TUBGCP3: variants seen among roughly 807,000 people sequenced by gnomAD.
TUBGCP3 encodes gamma-tubulin complex component 3.
TUBGCP3 carries 50 observed loss-of-function variants against 123.1 expected under a neutral mutation model. The ratio of observed to expected loss-of-function variants is 0.41; its 90% CI spans 0.32 to 0.51. The LOEUF is 0.51. TUBGCP3 is among the 20% of genes least tolerant of loss of function. The pLI is 0.36. For missense variants in TUBGCP3, 882 were observed against 1,127.0 expected (o/e 0.78, Z 3.11); for synonymous variants, 405 against 413.9 (o/e 0.98, Z 0.26).
In TUBGCP3 at chr13:112,524,029, A is replaced by AAGCAGCAGCGTC. The variant is rs1876840584; in HGVS notation, c.1556-1532_1556-1521dup. On this transcript the variant is annotated intron_variant, in intron 13 of 21. Transcript: ENST00000261965. This position sits in a 1 kb window ranked among gnomAD's most constrained non-coding sequence, Gnocchi z 4.4. ...GGGGACCACAGGAGTCGTCACAGAG[A>AAGCAGCAGCGTC]AGCAGCAGCGTCAGCAGCAGCAGCG... 6.6e-6 allele frequency among the ~76,000 whole-genome samples: 1 copy of AAGCAGCAGCGTC among 152,112 alleles called. No individual in the cohort carries two copies. The highest frequency in any genetic ancestry group is 1.5e-5 in the Non-Finnish European group (1 of 68,026).
chr13:112,516,443 G>C lies in TUBGCP3; in HGVS notation c.2083C>G (p.Pro695Ala). 1.9e-6 allele frequency: 3 copies of C among 1,601,892 alleles called. No individual in the cohort carries two copies. Among genetic ancestry groups the C allele is most frequent in the Non-Finnish European group, 2.6e-6 (3 of 1,173,382 alleles). Residue 695 changes from proline (P) to alanine (A), a missense_variant, in exon 17 of 22, where the codon CCA (proline) becomes GCA (alanine). Pro to Ala is a conservative substitution (Grantham distance 27). This residue lies in a region of TUBGCP3 where 713 missense variants were observed against 874.0 expected (regional missense o/e 0.82). Coordinates refer to ENST00000261965, the MANE Select transcript of TUBGCP3 (RefSeq NM_006322.6). ...CGTGACCGTGCTGGGGGCTCACCTG[G>C]CATGTTTCTCAGGAGCTTTGCATTG... ...MCNAKLLRNM[P>A]EFSGVLHQCH...
intron 16 of TUBGCP3, among the ~76,000 whole-genome samples, chr13:112,516,825 T>G (rs949245319): frequency 6.6e-6 from 1 of 152,030 alleles, no homozygotes; most frequent in Non-Finnish European, 1.5e-5. Flanking sequence ...CTAAACCTAG[T>G]CTAAAATGTG....
chr13:112,599,642 G>A, the TUBGCP3 span, among the ~76,000 whole-genome samples: 1 of 152,030 alleles, frequency 6.6e-6, no homozygotes, highest in African/African-American at 2.4e-5. Flanking sequence ...GAGTACCTGG[G>A]ACTACAGGCG....
At chr13:112,523,772 G>A (rs1335207020) in intron 13 of TUBGCP3, among the ~76,000 whole-genome samples, 4 of 152,190 alleles carry the variant, frequency 2.6e-5, no homozygotes, top group African/African-American at 4.8e-5. Context: ...CTTCAGGGTT[G>A]AGGCATCTCT....
rs1876641285 is a variant in TUBGCP3, at chr13:112,521,719, G to A, written c.1745+601C>T. 8.1e-6 allele frequency: 8 copies of A among 985,410 alleles called. No homozygotes were observed. The South Asian group carries it at 3.8e-4, about 46-fold the overall frequency. 61.0% of individuals were successfully genotyped at this position (985,410 alleles called of 1,614,324 possible). On this transcript the variant is annotated intron_variant, in intron 14 of 21. Transcript: ENST00000261965. ...AAGTTTCATTCTTCTAAACACTTGGGTGAAAATCTCCAGGCCCAGGCTGTG... is the reference window on the plus strand; with the variant it reads ...AAGTTTCATTCTTCTAAACACTTGGATGAAAATCTCCAGGCCCAGGCTGTG...
rs377692215 is a variant in TUBGCP3, at chr13:112,545,836, C to T, written c.1198G>A (p.Val400Ile). ...GRKGGELASA[V>I]HAYTKTGDPY... Reference sequence around the variant, plus strand: ...TCTCCTGTTTTTGTGTAGGCGTGGACAGCTGAGGCCAGCTCACCTCCTTTC... The same window carrying T: ...TCTCCTGTTTTTGTGTAGGCGTGGATAGCTGAGGCCAGCTCACCTCCTTTC... Residue 400 changes from valine (V) to isoleucine (I), a missense_variant, in exon 11 of 22, where the codon GTC becomes ATC. Physicochemically the swap from Val to Ile is conservative, Grantham distance 29. Transcript: ENST00000261965. The surrounding 1 kb of genome is among the most constrained non-coding windows in gnomAD (Gnocchi z 4.1). The T allele has an allele frequency of 1.2e-6, 2 of 1,613,222 alleles. No homozygotes were observed. Among genetic ancestry groups the T allele is most frequent in the Non-Finnish European group, 1.7e-6 (2 of 1,179,248 alleles).
chr13:112,557,031 G>C (rs1235988166), intron 5 of TUBGCP3, among the ~76,000 whole-genome samples: 1 of 152,148 alleles, frequency 6.6e-6, no homozygotes, highest in Non-Finnish European at 1.5e-5. Context: ...CGTGAAGTAA[G>C]GAGAACAGGA....
intron 11 of TUBGCP3, among the ~76,000 whole-genome samples, chr13:112,543,448 A>T (rs959889724): frequency 6.6e-6 from 1 of 152,248 alleles, no homozygotes; most frequent in Non-Finnish European, 1.5e-5. Flanking sequence ...AAAAATTTTT[A>T]AAAGAACTTT....
Position 112,547,577 on chromosome 13 carries a change from T to TGCGTGGGAAAGA in TUBGCP3, c.1168+42_1168+43insTCTTTCCCACGC, listed in dbSNP as rs1879149619. 4 of 1,006,976 alleles carry TGCGTGGGAAAGA rather than the reference T, an allele frequency of 4.0e-6. No individual in the cohort carries two copies. In the African/African-American group the frequency reaches 1.6e-4, roughly 40 times the overall value. The allele number at this position is 1,006,976 out of a possible 1,614,324, so 62.4% of individuals were successfully genotyped here. A position where few individuals can be genotyped will look rare whatever the true frequency, so the allele number is the denominator to read the frequency against. On this transcript the variant is annotated intron_variant, in intron 10 of 21. Coordinates refer to ENST00000261965, the MANE Select transcript of TUBGCP3 (RefSeq NM_006322.6). The stretch of plus-strand genomic sequence containing the variant: ...CGTGGGAAAGTCGCGCGTGGGAAAG[T>TGCGTGGGAAAGA]CGCGCGTGGGAAAGACGTGCGTGGG...
intron 1 of TUBGCP3, among the ~76,000 whole-genome samples, chr13:112,573,929 G>A (rs1361021665): frequency 6.6e-6 from 1 of 152,254 alleles, no homozygotes; most frequent in Non-Finnish European, 1.5e-5. Flanking sequence ...GAAGGAAGTG[G>A]AACTATGAGT....
At chr13:112,590,417 A>G (rs1332462327), upstream of TUBGCP3, among the ~76,000 whole-genome samples, 1 of 152,116 alleles carries the variant, frequency 6.6e-6, no homozygotes, top group Non-Finnish European at 1.5e-5. Flanking sequence ...TCTTCCCAGA[A>G]TATAATGCAA....
At position 112,505,773 on chromosome 13, in the gene TUBGCP3, G is replaced by T. The variant is rs111901289; in HGVS notation, c.2087-1059C>A. On this transcript the variant is annotated intron_variant, in intron 17 of 21. Coordinates refer to ENST00000261965, the MANE Select transcript of TUBGCP3 (RefSeq NM_006322.6). ...CAAGCATGAAATACATATGTGAATT[G>T]TATGAACGCTGTCTGAAGGCACAGA... Among the ~76,000 whole-genome samples, 929 of 152,282 alleles carry T rather than the reference G, an allele frequency of 6.1e-3. 4 individuals are homozygous for T. Among genetic ancestry groups the T allele is most frequent in the African/African-American group, 0.021 (888 of 41,560 alleles).
intron 11 of TUBGCP3, among the ~76,000 whole-genome samples, chr13:112,535,560 T>C (rs763813680): frequency 9.2e-5 from 14 of 152,238 alleles, no homozygotes; most frequent in Non-Finnish European, 1.5e-4. Context: ...TCTTTTCCTG[T>C]GCTTATTGTC....
chr13:112,571,442 T>C (rs1594218271), intron 1 of TUBGCP3, among the ~76,000 whole-genome samples: 1 of 152,238 alleles, frequency 6.6e-6, no homozygotes, highest in Admixed American at 6.5e-5. Context: ...TAAACCATGC[T>C]ATAAAAAGAT....
the TUBGCP3 span, among the ~76,000 whole-genome samples, chr13:112,597,523 AAG>A: frequency 6.6e-6 from 1 of 152,208 alleles, no homozygotes; most frequent in East Asian, 1.9e-4. Context: ...GAAAACTAGA[AAG>A]AGATTTACAG....
chr13:112,567,228 C>G (rs1881018495), intron 2 of TUBGCP3, among the ~76,000 whole-genome samples: 2 of 152,238 alleles, frequency 1.3e-5, no homozygotes, highest in South Asian at 4.1e-4. Context: ...GAAACACAAA[C>G]TCTACATTGC....
intron 6 of TUBGCP3, among the ~76,000 whole-genome samples, chr13:112,555,359 G>A (rs1336184899): frequency 6.6e-6 from 1 of 152,164 alleles, no homozygotes; most frequent in East Asian, 1.9e-4. Context: ...GCTCTCAGAT[G>A]CTCCTCACCT....
intron 18 of TUBGCP3, 141 bp downstream of exon 18, chr13:112,504,485 C>CAA (rs34264269): frequency 6.4e-4 from 228 of 359,018 alleles, no homozygotes; most frequent in Middle Eastern, 4.7e-3. Flanking sequence ...GACTCCATCT[C>CAA]AAAAAAAAAA....
At chr13:112,514,436 G>C (rs1316894141) in intron 17 of TUBGCP3, among the ~76,000 whole-genome samples, 2 of 152,132 alleles carry the variant, frequency 1.3e-5, no homozygotes, top group African/African-American at 2.4e-5. Flanking sequence ...AGGATCACTT[G>C]AGCCCAGGAA....
Sources: allele counts gnomAD v4.1 joint callset (sites outside exome capture counted in the v4.1 genomes callset), GRCh38; gene constraint gnomAD v4.1.1; regional missense constraint gnomAD v4.1.1; non-coding constraint Gnocchi (gnomAD v3.1); transcripts MANE v1.5; gene names NCBI Gene and HGNC (gene_info 2026-07-23, HGNC 2026-07-21).